CNTNAP5: variants seen among roughly 807,000 people sequenced by gnomAD.
CNTNAP5 encodes contactin associated protein family member 5.
Under a neutral mutation model 150.2 loss-of-function variants are expected in CNTNAP5, and 72 were observed. The ratio of observed to expected loss-of-function variants is 0.48; its 90% confidence interval spans 0.40 to 0.58. The LOEUF is 0.58. CNTNAP5 is among the 20% of genes least tolerant of loss of function. The pLI, the probability that CNTNAP5 is intolerant of heterozygous loss-of-function variation, is 0.00. For synonymous variants in CNTNAP5, 672 were observed against 619.8 expected (o/e 1.08, Z -1.25); for missense variants, 1,636 against 1,626.2 (o/e 1.01, Z -0.10).
At chr2:124,617,391 T>C (rs904659063) in intron 12 of CNTNAP5, among the ~76,000 whole-genome samples, 6 of 152,190 alleles carry the variant, frequency 3.9e-5, no homozygotes, top group African/African-American at 1.4e-4. Flanking sequence ...GGTGAATCTC[T>C]TCTTGCCACT....
At chr2:124,790,431 T>C (rs557032055) in intron 18 of CNTNAP5, among the ~76,000 whole-genome samples, 1 of 152,312 alleles carries the variant, frequency 6.6e-6, no homozygotes, top group South Asian at 2.1e-4. Flanking sequence ...TTAGCTAGAT[T>C]GTTAGTGAAC....
At position 124,427,189 on chromosome 2, in the gene CNTNAP5, A is replaced by G. The variant is rs1484770097; in HGVS notation, c.530-7295A>G. ...TCTGAGGAACAGATAACAGGTATTA[A>G]TATGAAGGAAAACATTCCACAACGA... On this transcript the variant is annotated intron_variant, in intron 4 of 23. Transcript: ENST00000682447. Among the ~76,000 whole-genome samples, 3 of 152,274 alleles carry G rather than the reference A, an allele frequency of 2.0e-5. No homozygotes were observed. The East Asian group carries it at 5.8e-4, about 29-fold the overall frequency.
At chr2:124,854,369 C>T (rs1200622781) in intron 19 of CNTNAP5, among the ~76,000 whole-genome samples, 2 of 152,178 alleles carry the variant, frequency 1.3e-5, no homozygotes, top group East Asian at 3.8e-4. Flanking sequence ...ATTCTCATTA[C>T]AGTTTTACTT....
At chr2:124,552,339 T>C (rs1695646542) in intron 10 of CNTNAP5, among the ~76,000 whole-genome samples, 2 of 152,156 alleles carry the variant, frequency 1.3e-5, no homozygotes, top group South Asian at 4.1e-4. Flanking sequence ...GTGAGTACTA[T>C]GACAGCTGCA....
chr2:124,283,443 C>A (rs964182391), intron 3 of CNTNAP5, among the ~76,000 whole-genome samples: 1 of 152,168 alleles, frequency 6.6e-6, no homozygotes, highest in African/African-American at 2.4e-5. Context: ...CAGTTGGAGA[C>A]ATCCTGGCAC....
intron 6 of CNTNAP5, among the ~76,000 whole-genome samples, chr2:124,447,761 CAGG>C (rs1692857154): frequency 6.6e-6 from 1 of 152,096 alleles, no homozygotes; most frequent in Admixed American, 6.5e-5. Flanking sequence ...AGTTTTCTAG[CAGG>C]AGATGCTGCT....
At position 124,609,494 on chromosome 2, in the gene CNTNAP5, G is replaced by A. The variant is rs139524491; in HGVS notation, c.1757-307G>A. Reference sequence around the variant, plus strand: ...TATACTCCCAGCTACTCGGGAGACTGAAGTGGGAGATCACTTGAGCCTGGG... The same window carrying A: ...TATACTCCCAGCTACTCGGGAGACTAAAGTGGGAGATCACTTGAGCCTGGG... On this transcript the variant is annotated intron_variant, in intron 11 of 23. Transcript: ENST00000682447. Among the ~76,000 whole-genome samples the A allele has an allele frequency of 2.6e-3, 395 of 152,216 alleles. 1 individual carries two copies. The highest frequency in any genetic ancestry group is 8.9e-3 in the African/African-American group (368 of 41,522).
At chr2:124,297,551 A>G (rs1373034474) in intron 3 of CNTNAP5, among the ~76,000 whole-genome samples, 3 of 152,024 alleles carry the variant, frequency 2.0e-5, no homozygotes, top group Non-Finnish European at 4.4e-5. Flanking sequence ...CAATCTTCCA[A>G]TGTCTCCTGC....
At chr2:124,809,596 C>G (rs770659831) in intron 19 of CNTNAP5, among the ~76,000 whole-genome samples, 132 of 150,728 alleles carry the variant, frequency 8.8e-4, no homozygotes, top group Non-Finnish European at 1.7e-3. Context: ...TAAAAAAAAA[C>G]CTGGCAAACA....
At chr2:124,283,297 G>GAC (rs201586608) in intron 3 of CNTNAP5, among the ~76,000 whole-genome samples, 2,069 of 152,238 alleles carry the variant, frequency 0.014, 52 homozygotes, top group African/African-American at 0.047. Context: ...TGCTCCTCAG[G>GAC]ACACACCACA....
chr2:124,137,221 A>G (rs755040949), intron 1 of CNTNAP5, among the ~76,000 whole-genome samples: 8 of 152,128 alleles, frequency 5.3e-5, no homozygotes, highest in Non-Finnish European at 1.2e-4. Flanking sequence ...TGAGGGAGTC[A>G]ATTTGTGAAT....
chr2:124,808,866 G>A (rs1346624025), intron 19 of CNTNAP5, among the ~76,000 whole-genome samples: 1 of 152,084 alleles, frequency 6.6e-6, no homozygotes, highest in Non-Finnish European at 1.5e-5. Context: ...CAAAGCTGAA[G>A]GCAAGGTGAA....
chr2:124,482,331 C>T lies in CNTNAP5; in HGVS notation c.1062+7449C>T, dbSNP rs146371306. Among the ~76,000 whole-genome samples the T allele has an allele frequency of 2.4e-3, 360 of 152,212 alleles. 2 individuals are homozygous for T. The highest frequency in any genetic ancestry group is 8.2e-3 in the African/African-American group (340 of 41,514). On this transcript the variant is annotated intron_variant, in intron 7 of 23. Transcript: ENST00000682447. ...GCAGGCAGGAGGCAGACATTATTAT[C>T]CACGTTTTATACCAAAAAATATACT...
rs560566922 is a variant in CNTNAP5 at position 124,056,817 on chromosome 2, A to G, written c.82+31085A>G. ...TCAGCAGTATTTTATCCTATGGGCC[A>G]GTCCACTTTTCTTGGAATTCACTTT... On this transcript the variant is annotated intron_variant, in intron 1 of 23. Coordinates refer to ENST00000682447, the MANE Select transcript of CNTNAP5 (RefSeq NM_001367498.1). Among the ~76,000 whole-genome samples the G allele has an allele frequency of 7.9e-5, 12 of 152,294 alleles. No homozygotes were observed. In the South Asian group the frequency reaches 2.5e-3, roughly 32 times the overall value.
At chr2:124,567,628 A>C (rs887934579) in intron 11 of CNTNAP5, among the ~76,000 whole-genome samples, 4 of 152,162 alleles carry the variant, frequency 2.6e-5, no homozygotes, top group African/African-American at 9.7e-5. Context: ...CAACCCAACC[A>C]ATGTTCAATG....
chr2:124,175,882 T>C (rs1685052458), intron 1 of CNTNAP5, among the ~76,000 whole-genome samples: 1 of 152,246 alleles, frequency 6.6e-6, no homozygotes. Context: ...TTTGCTATTG[T>C]GAACAGTGCT....
intron 1 of CNTNAP5, among the ~76,000 whole-genome samples, chr2:124,200,857 T>TAAAA: frequency 6.6e-6 from 1 of 152,276 alleles, no homozygotes; most frequent in South Asian, 2.1e-4. Context: ...AACCTGGGTT[T>TAAAA]CCTGCAGTTT....
intron 1 of CNTNAP5, among the ~76,000 whole-genome samples, chr2:124,195,393 A>T (rs570507287): frequency 1.3e-4 from 20 of 152,310 alleles, no homozygotes; most frequent in African/African-American, 4.3e-4. Flanking sequence ...TGCCAACTTC[A>T]TCTATAAAAG....
At chr2:124,159,504 G>A (rs1383155731) in intron 1 of CNTNAP5, among the ~76,000 whole-genome samples, 1 of 152,168 alleles carries the variant, frequency 6.6e-6, no homozygotes, top group Non-Finnish European at 1.5e-5. Flanking sequence ...GCCAGTTCTT[G>A]TTTTTAATCA....
Sources: gnomAD v4.1 joint callset for allele counts (sites outside exome capture counted in the v4.1 genomes callset) on GRCh38, gnomAD v4.1.1 for gene constraint, MANE v1.5 for transcripts, NCBI Gene and HGNC (gene_info 2026-07-23, HGNC 2026-07-21) for gene names.